The following STXBP3 variants were observed in gnomAD, a reference collection of about 807,000 sequenced individuals.
STXBP3 encodes syntaxin-binding protein 3.
In STXBP3, 41 loss-of-function variants were observed where a neutral mutation model predicts 85.7. The observed-to-expected ratio is 0.48, with a 90% CI of 0.37 to 0.62. The LOEUF is 0.62. STXBP3 is among the 20% of genes least tolerant of loss of function. The pLI, the probability that STXBP3 is intolerant of heterozygous loss-of-function variation, is 0.00. For missense variants in STXBP3, 563 were observed against 703.1 expected (o/e 0.80, Z 2.25); for synonymous variants, 229 against 231.7 (o/e 0.99, Z 0.10).
chr1:108,761,738 C>T (rs1015951962), intron 6 of STXBP3, among the ~76,000 whole-genome samples: 5 of 151,974 alleles, frequency 3.3e-5, no homozygotes, highest in Non-Finnish European at 5.9e-5. Context: ...TTTGGGAGGC[C>T]GAGGTGGGTG....
Position 108,772,734 on chromosome 1 carries a change from A to G in STXBP3, c.508A>G (p.Lys170Glu). ...TCCAGACCCTGGTAATGCAAAGGGA[A>G]AAGATGCCATTATGGAAACAATGGC... is the stretch of plus-strand genomic sequence containing the variant. ...YSPDPGNAKG[K>E]DAIMETMADQ... The change falls in exon 7 of 19, where the codon AAA becomes GAA. Residue 170 changes from lysine to glutamate, a missense_variant. Around this residue, in one of 3 missense-constraint regions of STXBP3, gnomAD observed 494 missense variants for 592.8 expected, o/e 0.83. Coordinates refer to ENST00000370008, the MANE Select transcript of STXBP3 (RefSeq NM_007269.4). 1.2e-6 allele frequency: 2 copies of G among 1,604,898 alleles called. No homozygotes were observed. The highest frequency in any genetic ancestry group is 1.3e-5 in the African/African-American group (1 of 74,482).
intron 3 of STXBP3, 93 bp from the exon 4 acceptor site, chr1:108,756,597 T>G: frequency 1.6e-6 from 1 of 625,306 alleles, no homozygotes; most frequent in Non-Finnish European, 2.4e-6. Flanking sequence ...TATTTTCATA[T>G]TATTATAAAT....
At chr1:108,752,183 G>T (rs368773307) in intron 1 of STXBP3, 74 bp from the exon 2 acceptor site, 10 of 1,359,602 alleles carry the variant, frequency 7.4e-6, no homozygotes, top group Admixed American at 6.4e-5. Flanking sequence ...TTTTTCCTTA[G>T]CCATTTTGGA....
At chr1:108,758,405 A>C in intron 4 of STXBP3, 105 bp from the exon 5 acceptor site, 1 of 544,690 alleles carries the variant, frequency 1.8e-6, no homozygotes. Flanking sequence ...TAGCCAGTAA[A>C]GTTTTATTTT....
At chr1:108,793,776 T>A in intron 12 of STXBP3, 129 bp downstream of exon 12, 1 of 658,590 alleles carries the variant, frequency 1.5e-6, no homozygotes, top group Non-Finnish European at 2.5e-6. Context: ...AAAACCTTAC[T>A]ATAGGTCTGA....
At chr1:108,779,177 G>T in intron 8 of STXBP3, 109 bp from the exon 9 acceptor site, 1 of 1,190,846 alleles carries the variant, frequency 8.4e-7, no homozygotes. Context: ...TTTTGGTGGG[G>T]AAAAGGGACA....
At chr1:108,785,317 A>G (rs941963746) in intron 11 of STXBP3, among the ~76,000 whole-genome samples, 2 of 152,150 alleles carry the variant, frequency 1.3e-5, no homozygotes, top group Non-Finnish European at 2.9e-5. Flanking sequence ...TCAGTTCTTG[A>G]CTTCTATGCA....
intron 6 of STXBP3, among the ~76,000 whole-genome samples, chr1:108,760,867 T>C (rs977765266): frequency 6.6e-6 from 1 of 152,130 alleles, no homozygotes; most frequent in African/African-American, 2.4e-5. Context: ...GGATTTCTAC[T>C]ATATTACTTT....
intron 17 of STXBP3, among the ~76,000 whole-genome samples, chr1:108,803,524 T>G (rs773289232): frequency 2.0e-5 from 3 of 152,180 alleles, no homozygotes; most frequent in Non-Finnish European, 2.9e-5. Flanking sequence ...AGTCTTGCTC[T>G]GTCATCCAGG....
At chr1:108,746,881 A>G in intron 1 of STXBP3, 95 bp downstream of exon 1, 1 of 1,221,564 alleles carries the variant, frequency 8.2e-7, no homozygotes, top group Non-Finnish European at 1.2e-6. Context: ...TCTGTTGAGG[A>G]GCCGCCGCGA....
chr1:108,792,805 T>A (rs1663005052), intron 11 of STXBP3, among the ~76,000 whole-genome samples: 1 of 152,236 alleles, frequency 6.6e-6, no homozygotes. Context: ...GATTCTGTTG[T>A]AACTTCATGT....
At chr1:108,761,703 T>G (rs559273501) in intron 6 of STXBP3, among the ~76,000 whole-genome samples, 1 of 152,178 alleles carries the variant, frequency 6.6e-6, no homozygotes, top group Non-Finnish European at 1.5e-5. Flanking sequence ...CTGGGCACAG[T>G]GGCTTACCCC....
chr1:108,757,814 TC>T (rs1299398187), intron 4 of STXBP3, among the ~76,000 whole-genome samples: 4 of 152,010 alleles, frequency 2.6e-5, no homozygotes, highest in African/African-American at 7.2e-5. Flanking sequence ...AGTAAATAAA[TC>T]TAATTAAATT....
chr1:108,792,163 T>A (rs909128921), intron 11 of STXBP3, among the ~76,000 whole-genome samples: 5 of 152,226 alleles, frequency 3.3e-5, no homozygotes, highest in Non-Finnish European at 7.3e-5. Flanking sequence ...TAAAGTCTTA[T>A]ATTTAACTCT....
chr1:108,784,516 A>G (rs1243059129), intron 11 of STXBP3, among the ~76,000 whole-genome samples: 5 of 152,204 alleles, frequency 3.3e-5, no homozygotes, highest in Non-Finnish European at 5.9e-5. Flanking sequence ...TGCCCTTGAC[A>G]TGTGGAGATT....
intron 6 of STXBP3, among the ~76,000 whole-genome samples, chr1:108,764,962 G>A (rs866496120): frequency 6.6e-6 from 1 of 152,130 alleles, no homozygotes; most frequent in African/African-American, 2.4e-5. Context: ...CAGTTCCTAC[G>A]TCCAGAATGG....
At chr1:108,762,651 G>A (rs1178632660) in intron 6 of STXBP3, among the ~76,000 whole-genome samples, 1 of 152,042 alleles carries the variant, frequency 6.6e-6, no homozygotes, top group Non-Finnish European at 1.5e-5. Context: ...ATATTATTCA[G>A]TTATTCCATT....
intron 5 of STXBP3, among the ~76,000 whole-genome samples, chr1:108,758,864 T>TGA (rs1662072231): frequency 6.6e-6 from 1 of 152,216 alleles, no homozygotes; most frequent in African/African-American, 2.4e-5. Flanking sequence ...GCTGGGATGC[T>TGA]GGGATGTGAG....
Position 108,776,374 on chromosome 1 carries a change from A to T in STXBP3, c.635A>T (p.Glu212Val). 6.2e-7 allele frequency: 1 copy of T among 1,607,714 alleles called. No individual in the cohort carries two copies. ...GCCAGTAAGCTTGCACAGCTTGTTGAAAAAAAGCTTGAAGACTACTACAAG... is the reference window on the plus strand; with the variant it reads ...GCCAGTAAGCTTGCACAGCTTGTTGTAAAAAAGCTTGAAGACTACTACAAG... ...DNASKLAQLV[E>V]KKLEDYYKID... The change falls in exon 8 of 19, where the codon GAA (glutamate) becomes GTA (valine). Residue 212 changes from glutamate to valine, a missense_variant. By Grantham distance (121) the Glu-to-Val change is moderately radical. This residue lies in a region of STXBP3 where 494 missense variants were observed against 592.8 expected (regional missense o/e 0.83). Coordinates refer to ENST00000370008, the MANE Select transcript of STXBP3 (RefSeq NM_007269.4).
Sources: gnomAD v4.1 joint callset for allele counts (sites outside exome capture counted in the v4.1 genomes callset) on GRCh38, gnomAD v4.1.1 for gene constraint, gnomAD v4.1.1 regional missense constraint, MANE v1.5 for transcripts, NCBI Gene and HGNC (gene_info 2026-07-23, HGNC 2026-07-21) for gene names.